The following LGR6 variants were observed in gnomAD, a reference collection of about 807,000 sequenced individuals.
LGR6 encodes leucine rich repeat containing G protein-coupled receptor 6.
A neutral mutation model predicts 69.4 loss-of-function variants in LGR6; 45 were observed. The observed-to-expected ratio is 0.65, with a 90% CI of 0.51 to 0.83. The LOEUF is 0.83. Ranked by LOEUF, LGR6 falls within the 40% of genes least tolerant of loss-of-function variation. LGR6 has a pLI of 0.00. For synonymous variants in LGR6, 538 were observed against 555.0 expected, an observed-to-expected ratio of 0.97 and a Z score of 0.43; for missense variants, 1,108 against 1,246.7, an observed-to-expected ratio of 0.89 and a Z score of 1.68.
At chr1:202,230,328 C>T (rs1260138586) in intron 3 of LGR6, among the ~76,000 whole-genome samples, 2 of 148,802 alleles carry the variant, frequency 1.3e-5, no homozygotes, top group Non-Finnish European at 3.0e-5. Context: ...TGAGAGTTCT[C>T]TAAGTCTTCA....
chr1:202,232,451 G>C lies in LGR6; in HGVS notation c.357-3471G>C, dbSNP rs114652991. On this transcript the variant is annotated intron_variant, in intron 3 of 17. Transcript: ENST00000367278. ...GCTGGGAGCTTGCAAAACTACTGCT[G>C]CCTCATATTCCTTCCCCAGAGACTT... Among the ~76,000 whole-genome samples, 1,156 of 152,280 alleles carry C rather than the reference G, an allele frequency of 7.6e-3. 20 individuals carry two copies. Among genetic ancestry groups the C allele is most frequent in the African/African-American group, 0.027 (1,129 of 41,542 alleles).
At chr1:202,237,247 T>C (rs1300154818) in intron 4 of LGR6, among the ~76,000 whole-genome samples, 1 of 152,120 alleles carries the variant, frequency 6.6e-6, no homozygotes, top group Non-Finnish European at 1.5e-5. Context: ...CCATCCAGCC[T>C]CACCCCTGGA....
intron 16 of LGR6, among the ~76,000 whole-genome samples, chr1:202,310,737 A>G (rs1267505993): frequency 2.6e-5 from 4 of 152,088 alleles, no homozygotes; most frequent in African/African-American, 7.2e-5. Context: ...TATTTTATCA[A>G]TCTGAGCCAA....
At chr1:202,236,032 C>A (rs761744791) in intron 4 of LGR6, 39 bp downstream of exon 4, 1 of 1,570,006 alleles carries the variant, frequency 6.4e-7, no homozygotes, top group Non-Finnish European at 8.8e-7. Context: ...TCACCAGCTT[C>A]CTGGGGCCTG....
intron 1 of LGR6, among the ~76,000 whole-genome samples, chr1:202,208,863 A>T (rs898035576): frequency 3.9e-5 from 6 of 152,188 alleles, no homozygotes; most frequent in African/African-American, 1.4e-4. Flanking sequence ...AACCCCTGGA[A>T]CCCTAGCATG....
chr1:202,298,234 G>C (rs997862969), intron 7 of LGR6, among the ~76,000 whole-genome samples: 11 of 152,318 alleles, frequency 7.2e-5, no homozygotes, highest in African/African-American at 2.6e-4. Context: ...GGAGTCCAGA[G>C]TAATGTGGAA....
At chr1:202,273,239 T>A (rs1357636530) in intron 4 of LGR6, among the ~76,000 whole-genome samples, 1 of 152,100 alleles carries the variant, frequency 6.6e-6, no homozygotes, top group Non-Finnish European at 1.5e-5. Flanking sequence ...CAGTGATTAT[T>A]ATTGGTGTCA....
chr1:202,283,766 C>T (rs1429643846), intron 6 of LGR6, among the ~76,000 whole-genome samples: 3 of 152,242 alleles, frequency 2.0e-5, no homozygotes, highest in Non-Finnish European at 4.4e-5. Flanking sequence ...ATGACCCTCA[C>T]TCCACGTAGG....
In LGR6 at chr1:202,303,352, G is replaced by A; in HGVS notation, c.998+5G>A. On this transcript the variant is annotated splice_donor_5th_base_variant and intron_variant, in intron 10 of 17. Coordinates refer to ENST00000367278, the MANE Select transcript of LGR6 (RefSeq NM_001017403.2). ...CACCACCAGCCTGGAGATCCTGTGA[G>A]TGGCTTCTCTCTCCCTACCTTATCT... The A allele has an allele frequency of 5.0e-6, 8 of 1,611,282 alleles. No homozygotes were observed. The highest frequency in any genetic ancestry group is 6.8e-6 in the Non-Finnish European group (8 of 1,177,400).
intron 9 of LGR6, among the ~76,000 whole-genome samples, chr1:202,302,707 C>A (rs574328019): frequency 6.6e-6 from 1 of 152,022 alleles, no homozygotes; most frequent in Non-Finnish European, 1.5e-5. Context: ...CCACCACGCC[C>A]GACTGCTTTT....
rs1289368757 is a variant in LGR6, at chr1:202,288,134, T to G, written c.716+7282T>G. Among the ~76,000 whole-genome samples the G allele has an allele frequency of 4.6e-5, 7 of 152,216 alleles. No homozygotes were observed. In the East Asian group the frequency reaches 1.3e-3, roughly 29 times the overall value. On this transcript the variant is annotated intron_variant, in intron 6 of 17. Transcript: ENST00000367278. Reference sequence around the variant, plus strand: ...GGCCTCCTTGAATATACTACTTTTGTTCCTGCATCAAGCCTTTTCCTTTTG... The same window carrying G: ...GGCCTCCTTGAATATACTACTTTTGGTCCTGCATCAAGCCTTTTCCTTTTG...
At chr1:202,260,730 C>T (rs192085122) in intron 4 of LGR6, among the ~76,000 whole-genome samples, 233 of 152,174 alleles carry the variant, frequency 1.5e-3, no homozygotes, top group Admixed American at 2.8e-3. Context: ...TATTTCTGAT[C>T]TTTTATATAG....
chr1:202,212,477 G>A (rs1375131798), intron 1 of LGR6, among the ~76,000 whole-genome samples: 2 of 152,198 alleles, frequency 1.3e-5, no homozygotes, highest in African/African-American at 4.8e-5. Context: ...CAGTTCTGGA[G>A]GCCAGAAACC....
At chr1:202,237,151 A>C (rs1327785743) in intron 4 of LGR6, among the ~76,000 whole-genome samples, 2 of 152,168 alleles carry the variant, frequency 1.3e-5, no homozygotes, top group African/African-American at 4.8e-5. Context: ...CCCCAGTGGC[A>C]GAACCTGCCT....
intron 4 of LGR6, among the ~76,000 whole-genome samples, chr1:202,262,677 A>C (rs1664329648): frequency 6.6e-6 from 1 of 152,134 alleles, no homozygotes; most frequent in African/African-American, 2.4e-5. Context: ...ATGATTCTCA[A>C]ATTCAAATTC....
chr1:202,211,039 G>T (rs952549412), intron 1 of LGR6, among the ~76,000 whole-genome samples: 1 of 152,238 alleles, frequency 6.6e-6, no homozygotes, highest in Non-Finnish European at 1.5e-5. Flanking sequence ...TGGGGCAGCA[G>T]TGGGAAGGAA....
intron 7 of LGR6, among the ~76,000 whole-genome samples, chr1:202,297,831 G>C (rs1667276624): frequency 6.6e-6 from 1 of 152,094 alleles, no homozygotes; most frequent in African/African-American, 2.4e-5. Context: ...CTTCCAGCCT[G>C]GGAAAACCCA....
intron 4 of LGR6, among the ~76,000 whole-genome samples, chr1:202,241,793 T>C (rs1226105546): frequency 6.6e-6 from 1 of 150,550 alleles, no homozygotes; most frequent in Non-Finnish European, 1.5e-5. Context: ...GTGGCAAGAC[T>C]AAAGGGGAGA....
Position 202,306,885 on chromosome 1 carries a change from G to T in LGR6, c.1154G>T (p.Arg385Leu), listed in dbSNP as rs527790135. Reference sequence around the variant, plus strand: ...TGCCCTAGCGGCCTCCAACACAACCGCATCTGGGAAATTGGAGCTGACACC... The same window carrying T: ...TGCCCTAGCGGCCTCCAACACAACCTCATCTGGGAAATTGGAGCTGACACC... ...KLEEIGLQHNRIWEIGADTFS... is the reference protein window; with the variant it reads ...KLEEIGLQHNLIWEIGADTFS... Residue 385 changes from arginine to leucine, a missense_variant, in exon 13 of 18, where the codon CGC becomes CTC. Transcript: ENST00000367278. The T allele has an allele frequency of 1.9e-6, 3 of 1,614,060 alleles. No homozygotes were observed. The South Asian group carries it at 3.3e-5, about 18-fold the overall frequency.
Sources: allele counts gnomAD v4.1 joint callset (sites outside exome capture counted in the v4.1 genomes callset), GRCh38; gene constraint gnomAD v4.1.1; transcripts MANE v1.5; gene names NCBI Gene and HGNC (gene_info 2026-07-23, HGNC 2026-07-21).